CYB5R2: variants seen among roughly 807,000 people sequenced by gnomAD.
CYB5R2 encodes the protein cytochrome b5 reductase 2.
Under a neutral mutation model 29.8 loss-of-function variants are expected in CYB5R2, and 35 were observed. The ratio of observed to expected loss-of-function variants is 1.17; its 90% CI spans 0.90 to 1.56. CYB5R2 has a LOEUF of 1.56. CYB5R2 is among the 40% of genes most tolerant of loss of function. The pLI is 0.00. For missense variants in CYB5R2, 419 were observed against 346.7 expected (o/e 1.21, Z -1.66); for synonymous variants, 169 against 130.6 (o/e 1.29, Z -2.01).
chr11:7,668,741 C>A (rs1855524959), intron 5 of CYB5R2, 180 bp from the exon 6 acceptor site: 1 of 642,870 alleles, frequency 1.6e-6, no homozygotes. Flanking sequence ...CTCCAGTGCA[C>A]AAAGTGGGAA....
At chr11:7,670,734 C>CT (rs1253878578) in intron 3 of CYB5R2, 1 of 152,192 alleles carries the variant, frequency 6.6e-6, no homozygotes, top group Non-Finnish European at 1.5e-5. Context: ...CAGCTACGAC[C>CT]TGTTGGATCC....
At position 7,668,464 on chromosome 11, in the gene CYB5R2, T is replaced by G. The variant is rs200308569; in HGVS notation, c.472+14A>C. 3,429 of 1,607,796 alleles carry G rather than the reference T, an allele frequency of 2.1e-3. 7 individuals are homozygous for G. Among genetic ancestry groups the G allele is most frequent in the Non-Finnish European group, 2.7e-3 (3,226 of 1,174,224 alleles). ...GGGCTCACTCTCTGGATGGAGCCCC[T>G]AGAAGCCTCTTACCTGTGCCCCCAG... On this transcript the variant is annotated intron_variant, in intron 6 of 8. Transcript: ENST00000299498.
At chr11:7,665,659 A>G (rs1275053844) in intron 8 of CYB5R2, 113 bp from the exon 9 acceptor site, 8 of 1,249,798 alleles carry the variant, frequency 6.4e-6, no homozygotes, top group South Asian at 1.5e-5. Flanking sequence ...CTGCTCTACA[A>G]AGGCTTAGAA....
At position 7,669,506 on chromosome 11, in the gene CYB5R2, T is replaced by A. The variant is rs142607450; in HGVS notation, c.258+119A>T. ...GCCACAAGGTTAACTGTAGCTTCAC[T>A]GCTGGAAAGCCCTGCCTAGGGCATA... On this transcript the variant is annotated intron_variant, in intron 4 of 8. Coordinates refer to ENST00000299498, the MANE Select transcript of CYB5R2 (RefSeq NM_016229.5). 1,206 of 1,208,676 alleles carry A rather than the reference T, an allele frequency of 1.0e-3. 13 individuals are homozygous for A. The highest frequency in any genetic ancestry group is 9.7e-3 in the African/African-American group (632 of 65,426). 74.9% of individuals were successfully genotyped at this position (1,208,676 alleles called of 1,614,324 possible). A position where few individuals can be genotyped will look rare whatever the true frequency, so the allele number is the denominator to read the frequency against.
Position 7,672,752 on chromosome 11 carries a change from TTCTC to T in CYB5R2, c.70_73del (p.Glu24LysfsTer22), listed in dbSNP as rs1855833804. On this transcript the variant is annotated frameshift_variant, in exon 2 of 9. Coordinates refer to ENST00000299498, the MANE Select transcript of CYB5R2 (RefSeq NM_016229.5). LOFTEE classifies it high-confidence loss of function. Reference sequence around the variant, plus strand: ...CCCACAGGGCTGACCCATTACCTCTTTCTCAATCAAGGGCAGCGGGTACTTGGCT... The same window carrying T: ...CCCACAGGGCTGACCCATTACCTCTTAATCAAGGGCAGCGGGTACTTGGCT... The T allele has an allele frequency of 1.2e-6, 2 of 1,614,140 alleles. No homozygotes were observed. The highest frequency in any genetic ancestry group is 1.7e-6 in the Non-Finnish European group (2 of 1,180,008).
intron 8 of CYB5R2, 168 bp from the exon 9 acceptor site, chr11:7,665,714 A>G (rs963500248): frequency 3.8e-5 from 44 of 1,142,892 alleles, no homozygotes; most frequent in Non-Finnish European, 5.2e-5. Context: ...ACTAGTAAAC[A>G]GCCCTCTGCA....
Position 7,665,545 on chromosome 11 carries a change from G to T in CYB5R2, c.660C>A (p.Gly220=). ...LWYTLDRPPI[G]WKYSSGFVTA... The stretch of plus-strand genomic sequence containing the variant: ...TAACGAAGCCTGAGCTGTACTTCCA[G>T]CCTGAAATGAAGGAGATGCAGGAGC... Residue 220 remains glycine (G), a splice_region_variant and synonymous_variant, in exon 9 of 9, where the codon GGC becomes GGA. Coordinates refer to ENST00000299498, the MANE Select transcript of CYB5R2 (RefSeq NM_016229.5). The T allele has an allele frequency of 6.2e-7, 1 of 1,600,292 alleles. No individual in the cohort carries two copies. Among genetic ancestry groups the T allele is most frequent in the Non-Finnish European group, 8.5e-7 (1 of 1,174,650 alleles).
At chr11:7,671,010 G>C (rs1019624625) in intron 3 of CYB5R2, 1 of 152,684 alleles carries the variant, frequency 6.5e-6, no homozygotes, top group Non-Finnish European at 1.5e-5. Context: ...GAGGAGGCAG[G>C]AGGAGAAAAA....
chr11:7,671,025 G>C (rs867071019), intron 3 of CYB5R2: 2 of 152,842 alleles, frequency 1.3e-5, no homozygotes, highest in Non-Finnish European at 2.9e-5. Context: ...GAAAAAAGCA[G>C]GCAGAGTAGG....
intron 3 of CYB5R2, chr11:7,670,592 T>G (rs947299553): frequency 6.6e-6 from 1 of 152,252 alleles, no homozygotes; most frequent in African/African-American, 2.4e-5. Context: ...TCCTGGCCTA[T>G]GGCCTTGTGA....
intron 7 of CYB5R2, 130 bp from the exon 8 acceptor site, chr11:7,666,680 C>G (rs1855267162): frequency 1.7e-6 from 1 of 602,346 alleles, no homozygotes; most frequent in Non-Finnish European, 3.0e-6. Flanking sequence ...TGCCAACTCC[C>G]ACGGCAAACA....
chr11:7,670,935 A>G (rs1167880316), intron 3 of CYB5R2: 1 of 54,900 alleles, frequency 1.8e-5, no homozygotes, highest in Non-Finnish European at 3.8e-5. Flanking sequence ...ACGGGAAATT[A>G]GTCGAGACAA....
In CYB5R2 at chr11:7,666,560, A is replaced by C; in HGVS notation, c.559-10T>G. 6.2e-7 allele frequency: 1 copy of C among 1,605,824 alleles called. No individual in the cohort carries two copies. Among genetic ancestry groups the C allele is most frequent in the Non-Finnish European group, 8.5e-7 (1 of 1,172,588 alleles). On this transcript the variant is annotated splice_polypyrimidine_tract_variant and intron_variant, in intron 7 of 8. Coordinates refer to ENST00000299498, the MANE Select transcript of CYB5R2 (RefSeq NM_016229.5). ...AGATATCCTCCTCTGTCTAGAAAAG[A>C]AGCAACACTGAAAAAGCCCCTCCAG...
chr11:7,666,131 AT>A (rs1399838762), intron 8 of CYB5R2: 2 of 608,722 alleles, frequency 3.3e-6, no homozygotes, highest in African/African-American at 3.7e-5. Flanking sequence ...GTCAGTGCCC[AT>A]ATTAGATGTG....
Position 7,665,163 on chromosome 11 carries a change from T to G in CYB5R2, c.*211A>C. ...GAGAAAGATACTGAAATGGAGCTCT[T>G]TCCAGCCTCCAAGCAAGGAGGCCCC... On this transcript the variant is annotated 3_prime_UTR_variant, in exon 9 of 9. Transcript: ENST00000299498. The G allele has an allele frequency of 2.2e-6, 1 of 459,676 alleles. No homozygotes were observed. Among genetic ancestry groups the G allele is most frequent in the Non-Finnish European group, 3.8e-6 (1 of 261,522 alleles). The allele number at this position is 459,676 out of a possible 1,614,324, so 28.5% of individuals were successfully genotyped here.
At chr11:7,665,655 T>C in intron 8 of CYB5R2, 109 bp from the exon 9 acceptor site, 1 of 1,278,656 alleles carries the variant, frequency 7.8e-7, no homozygotes, top group African/African-American at 1.5e-5. Context: ...CAAGCTGCTC[T>C]ACAAAGGCTT....
At chr11:7,672,615 T>C in intron 2 of CYB5R2, 92 bp from the exon 3 acceptor site, 1 of 1,131,116 alleles carries the variant, frequency 8.8e-7, no homozygotes, top group Non-Finnish European at 1.3e-6. Flanking sequence ...CGTTTGGCGC[T>C]ATTCCAGCAC....
chr11:7,666,848 C>G, intron 7 of CYB5R2: 1 of 277,730 alleles, frequency 3.6e-6, no homozygotes, highest in Non-Finnish European at 7.0e-6. Context: ...AGGATGGCTT[C>G]ACTCGGAGCT....
rs757072875 is a variant in CYB5R2, at chr11:7,669,244, A to G, written c.349T>C (p.Phe117Leu). The G allele has an allele frequency of 6.2e-6, 10 of 1,614,036 alleles. No individual in the cohort carries two copies. The East Asian group carries it at 1.8e-4, about 29-fold the overall frequency. ...AACAAGCGTCCCCTTGGCCCTCGAAAAAAGATGGTCTCCCCGATTTTCATG... is the reference window on the plus strand; with the variant it reads ...AACAAGCGTCCCCTTGGCCCTCGAAGAAAGATGGTCTCCCCGATTTTCATG... ...ENMKIGETIF[F>L]RGPRGRLFYH... The change falls in exon 5 of 9, where the codon TTT (phenylalanine) becomes CTT (leucine). Residue 117 changes from phenylalanine (F) to leucine (L), a missense_variant. Phe to Leu is a conservative substitution (Grantham distance 22). Coordinates refer to ENST00000299498, the MANE Select transcript of CYB5R2 (RefSeq NM_016229.5).
Sources: allele counts gnomAD v4.1 joint callset, GRCh38; gene constraint gnomAD v4.1.1; transcripts MANE v1.5; gene names NCBI Gene and HGNC (gene_info 2026-07-23, HGNC 2026-07-21).